CELF4: variants seen among roughly 807,000 people sequenced by gnomAD.
CELF4 encodes CUGBP Elav-like family member 4.
In CELF4, 18 loss-of-function variants were observed where a neutral mutation model predicts 59.9. That is an observed-to-expected ratio of 0.30 (90% CI 0.21 to 0.45). The LOEUF is 0.45. Among genes scored for constraint, CELF4 ranks in the 20% least tolerant of loss-of-function variants. The pLI is 1.00. For missense variants in CELF4, 456 were observed against 689.0 expected, an observed-to-expected ratio of 0.66 and a Z score of 3.79; for synonymous variants, 261 against 267.1, an observed-to-expected ratio of 0.98 and a Z score of 0.22.
intron 2 of CELF4, among the ~76,000 whole-genome samples, chr18:37,370,498 C>T (rs527268775): frequency 2.6e-5 from 4 of 152,322 alleles, no homozygotes; most frequent in Admixed American, 2.6e-4. Flanking sequence ...TCCCTACATC[C>T]TGACAACAGT....
chr18:37,427,008 C>T (rs2099617867), intron 2 of CELF4, among the ~76,000 whole-genome samples: 1 of 120,678 alleles, frequency 8.3e-6, no homozygotes, highest in Admixed American at 9.6e-5. Context: ...GAGGCTCAGA[C>T]TTGGCGGGTG....
intron 3 of CELF4, among the ~76,000 whole-genome samples, chr18:37,286,444 T>G (rs942804375): frequency 9.2e-5 from 14 of 152,028 alleles, no homozygotes; most frequent in African/African-American, 3.1e-4. Flanking sequence ...TGACCCAAAT[T>G]TCCACAGTCG....
intron 12 of CELF4, among the ~76,000 whole-genome samples, chr18:37,248,581 C>T (rs1019246501): frequency 6.6e-6 from 1 of 152,176 alleles, no homozygotes; most frequent in Admixed American, 6.5e-5. Context: ...CACCCTCTCA[C>T]CCCATACCCC....
intron 2 of CELF4, among the ~76,000 whole-genome samples, chr18:37,432,983 C>T (rs1338376406): frequency 2.6e-5 from 4 of 152,216 alleles, no homozygotes; most frequent in African/African-American, 7.2e-5. Context: ...TCCCAATCCA[C>T]GGTATGCGCA....
At chr18:37,456,426 T>C (rs1216286539) in intron 2 of CELF4, among the ~76,000 whole-genome samples, 2 of 152,144 alleles carry the variant, frequency 1.3e-5, no homozygotes, top group African/African-American at 4.8e-5. Flanking sequence ...TGCTTCTCTG[T>C]GTGCAGGACC....
chr18:37,268,488 G>C (rs2078820714), intron 8 of CELF4, among the ~76,000 whole-genome samples: 1 of 152,206 alleles, frequency 6.6e-6, no homozygotes, highest in African/African-American at 2.4e-5. Context: ...CATACAGTTT[G>C]GTGCCCTCAT....
chr18:37,417,845 A>G (rs1489283914), intron 2 of CELF4, among the ~76,000 whole-genome samples: 2 of 152,188 alleles, frequency 1.3e-5, no homozygotes, highest in Non-Finnish European at 2.9e-5. Context: ...GACCATTCAG[A>G]GCCAAGACCC....
At chr18:37,329,634 G>A (rs927178601) in intron 2 of CELF4, among the ~76,000 whole-genome samples, 13 of 152,252 alleles carry the variant, frequency 8.5e-5, no homozygotes, top group African/African-American at 2.9e-4. Context: ...GCCACTGCTG[G>A]CTGGTACAGC....
chr18:37,312,483 A>G (rs1054417594), intron 3 of CELF4, among the ~76,000 whole-genome samples: 5 of 152,174 alleles, frequency 3.3e-5, no homozygotes, highest in African/African-American at 9.7e-5. Flanking sequence ...TCAGCCCCCA[A>G]TAAACCTGGG....
In CELF4 at chr18:37,245,108, A is replaced by G. The variant is rs1052425449; in HGVS notation, c.*134T>C. The G allele has an allele frequency of 6.6e-6, 1 of 152,460 alleles. No individual in the cohort carries two copies. The highest frequency in any genetic ancestry group is 2.4e-5 in the African/African-American group (1 of 41,406). 9.4% of individuals were successfully genotyped at this position (152,460 alleles called of 1,614,324 possible). ...TCTTCAGCTTGATTGATATTGGCTG[A>G]TATGTCAAAGGTGTCATCCAACAGT... On this transcript the variant is annotated 3_prime_UTR_variant, in exon 13 of 13. Transcript: ENST00000420428. The surrounding 1 kb of genome is among the most constrained non-coding windows in gnomAD (Gnocchi z 4.1).
rs151102509 is a variant in CELF4, at chr18:37,440,752, C to T, written c.369+44773G>A. 5.4e-3 allele frequency among the ~76,000 whole-genome samples: 820 copies of T among 152,188 alleles called. 4 individuals carry two copies. Among genetic ancestry groups the T allele is most frequent in the Middle Eastern group, 0.014 (4 of 294 alleles). On this transcript the variant is annotated intron_variant, in intron 2 of 12. Transcript: ENST00000420428. ...TCTAGTCTTTCTGTCAACCTATTTA[C>T]CCCTTGCAATCACCTACTCATCCAC...
At chr18:37,429,756 G>A (rs148346296) in intron 2 of CELF4, among the ~76,000 whole-genome samples, 21 of 151,536 alleles carry the variant, frequency 1.4e-4, no homozygotes, top group African/African-American at 4.6e-4. Context: ...TAGGGCTTCC[G>A]TTTGGCCTTG....
At chr18:37,443,584 T>A (rs1934205051) in intron 2 of CELF4, among the ~76,000 whole-genome samples, 1 of 152,108 alleles carries the variant, frequency 6.6e-6, no homozygotes, top group African/African-American at 2.4e-5. Context: ...GAGGCTTTCA[T>A]CCCTGAATGG....
At chr18:37,348,460 G>T (rs2098346381) in intron 2 of CELF4, among the ~76,000 whole-genome samples, 2 of 152,106 alleles carry the variant, frequency 1.3e-5, no homozygotes, top group African/African-American at 4.8e-5. Flanking sequence ...GGCGCTTCCG[G>T]GCACGGACCA....
At chr18:37,550,877 A>G (rs2099982990) in intron 1 of CELF4, among the ~76,000 whole-genome samples, 1 of 152,260 alleles carries the variant, frequency 6.6e-6, no homozygotes, top group Non-Finnish European at 1.5e-5. Flanking sequence ...GTTAAAAGGC[A>G]CGTGGCAACA....
At chr18:37,265,040 T>C (rs867579501) in intron 9 of CELF4, among the ~76,000 whole-genome samples, 1 of 150,678 alleles carries the variant, frequency 6.6e-6, no homozygotes, top group Non-Finnish European at 1.5e-5. Flanking sequence ...TACGTGTGTG[T>C]GTACATTACA....
At chr18:37,283,097 C>A (rs116977846) in intron 3 of CELF4, among the ~76,000 whole-genome samples, 2 of 151,974 alleles carry the variant, frequency 1.3e-5, no homozygotes, top group Non-Finnish European at 2.9e-5. Context: ...TGGCTTCCTC[C>A]GGTCCTGGTG....
chr18:37,556,478 T>A (rs1344043504), intron 1 of CELF4, among the ~76,000 whole-genome samples: 1 of 152,212 alleles, frequency 6.6e-6, no homozygotes, highest in Non-Finnish European at 1.5e-5. Context: ...CCTTTAACTT[T>A]TAGAGGGAAT....
chr18:37,392,959 C>A (rs2099181744), intron 2 of CELF4, among the ~76,000 whole-genome samples: 1 of 152,184 alleles, frequency 6.6e-6, no homozygotes, highest in South Asian at 2.1e-4. Flanking sequence ...TCCAAGGGGG[C>A]AGATTTTATT....
Sources: gnomAD v4.1 joint callset for allele counts (sites outside exome capture counted in the v4.1 genomes callset) on GRCh38, gnomAD v4.1.1 for gene constraint, Gnocchi (gnomAD v3.1) non-coding constraint, MANE v1.5 for transcripts, NCBI Gene and HGNC (gene_info 2026-07-23, HGNC 2026-07-21) for gene names.